The following PABPN1L variants were observed in gnomAD, a reference collection of about 807,000 sequenced individuals.
The protein encoded by PABPN1L is embryonic polyadenylate-binding protein 2.
A neutral mutation model predicts 34.0 loss-of-function variants in PABPN1L; 45 were observed. The ratio of observed to expected loss-of-function variants is 1.32; its 90% CI spans 1.04 to 1.70. PABPN1L has a LOEUF of 1.70. Among genes scored for constraint, PABPN1L ranks in the 40% most tolerant of loss-of-function variants. PABPN1L has a pLI of 0.00. For synonymous variants in PABPN1L, 182 were observed against 152.1 expected (o/e 1.20, Z -1.45); for missense variants, 459 against 367.8 (o/e 1.25, Z -2.03).
upstream of PABPN1L, among the ~76,000 whole-genome samples, chr16:88,869,004 T>C (rs1011618349): frequency 6.6e-6 from 1 of 152,194 alleles, no homozygotes; most frequent in Non-Finnish European, 1.5e-5. Flanking sequence ...AGCCAAGATC[T>C]TGGGACCCAC....
At chr16:88,866,097 T>C (rs191298009) in intron 1 of PABPN1L, among the ~76,000 whole-genome samples, 156 bp from the exon 2 acceptor site, 1 of 152,320 alleles carries the variant, frequency 6.6e-6, no homozygotes, top group East Asian at 1.9e-4. Flanking sequence ...TGGCTGGGGA[T>C]GAACTCGCCC....
rs865895832 is a variant in PABPN1L, at chr16:88,864,748, G to A, written c.654+105C>T. On this transcript the variant is annotated intron_variant, in intron 5 of 6. Transcript: ENST00000419291. ...AGGCCCAGCCAAGCACCGTGCCTGA[G>A]ACACGCTGTGCAGAGAGGAGCCAGC... The A allele has an allele frequency of 5.1e-5, 64 of 1,261,332 alleles. No homozygotes were observed. In the Middle Eastern group the frequency reaches 2.8e-3, roughly 55 times the overall value. The allele number at this position is 1,261,332 out of a possible 1,614,324, so 78.1% of individuals were successfully genotyped here.
At chr16:88,867,997 G>A (rs967626150), upstream of PABPN1L, among the ~76,000 whole-genome samples, 16 of 152,210 alleles carry the variant, frequency 1.1e-4, no homozygotes, top group African/African-American at 3.6e-4. Flanking sequence ...GGGAATTTGG[G>A]ACTGGGGGAG....
chr16:88,865,576 A>ACGGAT lies in PABPN1L; in HGVS notation c.441_445dup (p.Val149AspfsTer47). 6.2e-7 allele frequency: 1 copy of ACGGAT among 1,611,744 alleles called. No homozygotes were observed. Among genetic ancestry groups the ACGGAT allele is most frequent in the South Asian group, 1.1e-5 (1 of 90,796 alleles). ...CCCACCACTCACGTTGCCCACGTAG[A>ACGGAT]CGGATCTGTGGTCAGCCTCCACCTT... On this transcript the variant is annotated frameshift_variant, in exon 3 of 7. Coordinates refer to ENST00000419291, the Ensembl canonical transcript of PABPN1L. LOFTEE classifies it high-confidence loss of function.
upstream of PABPN1L, among the ~76,000 whole-genome samples, chr16:88,869,953 C>CTATT (rs1968666889): frequency 1.3e-5 from 2 of 152,216 alleles, no homozygotes; most frequent in Non-Finnish European, 2.9e-5. Context: ...CCCCTGGGGC[C>CTATT]CCAGCGCCCA....
intron 5 of PABPN1L, 69 bp downstream of exon 5, chr16:88,864,784 G>C: frequency 6.9e-7 from 1 of 1,458,120 alleles, no homozygotes; most frequent in Non-Finnish European, 9.4e-7. Context: ...TGGGGCTGCT[G>C]TGTGTCCCAG....
At chr16:88,864,444 C>T (rs866240435) in intron 5 of PABPN1L, 65 bp from the exon 6 acceptor site, 1 of 1,491,908 alleles carries the variant, frequency 6.7e-7, no homozygotes, top group East Asian at 2.5e-5. Flanking sequence ...ACAGCCCCCG[C>T]AGCCCCCACC....
At chr16:88,869,680 G>A (rs995771524), upstream of PABPN1L, among the ~76,000 whole-genome samples, 12 of 152,230 alleles carry the variant, frequency 7.9e-5, no homozygotes, top group African/African-American at 2.9e-4. Context: ...CCTGTCAGAG[G>A]CAGGATTGCA....
exon 1 of PABPN1L, chr16:88,866,582 G>A: frequency 6.4e-7 from 1 of 1,553,080 alleles, no homozygotes; most frequent in Non-Finnish European, 8.7e-7. Context: ...GGTGGGAAGA[G>A]AGAGCGGCTC....
At chr16:88,865,167 T>A in intron 3 of PABPN1L, 39 bp from the exon 4 acceptor site, 1 of 1,542,458 alleles carries the variant, frequency 6.5e-7, no homozygotes, top group Non-Finnish European at 8.8e-7. Flanking sequence ...GGGAGACGCC[T>A]GGCCCTGACT....
chr16:88,866,207 CT>C, intron 1 of PABPN1L, 144 bp downstream of exon 1: 1 of 1,360,648 alleles, frequency 7.3e-7, no homozygotes, highest in Non-Finnish European at 9.8e-7. Flanking sequence ...GGGGGGTCTC[CT>C]TGCCACCTTC....
intron 6 of PABPN1L, 43 bp downstream of exon 6, chr16:88,864,194 C>T: frequency 6.5e-7 from 1 of 1,531,584 alleles, no homozygotes; most frequent in Non-Finnish European, 8.8e-7. Flanking sequence ...TGCCCTCCAC[C>T]ATGGCCCTCG....
chr16:88,863,930 G>T, intron 6 of PABPN1L, 135 bp from the exon 7 acceptor site: 1 of 961,202 alleles, frequency 1.0e-6, no homozygotes, highest in Non-Finnish European at 1.5e-6. Flanking sequence ...GGGCCTTTCT[G>T]GTGACTCCCA....
At chr16:88,868,272 G>A (rs975154454), upstream of PABPN1L, among the ~76,000 whole-genome samples, 1 of 152,166 alleles carries the variant, frequency 6.6e-6, no homozygotes, top group Non-Finnish European at 1.5e-5. Flanking sequence ...AAAGAAACAC[G>A]AAGCCACAGG....
chr16:88,863,551 C>G, exon 7 of PABPN1L: 1 of 690,422 alleles, frequency 1.4e-6, no homozygotes, highest in East Asian at 2.7e-5. Context: ...GTGGCTGTGA[C>G]TCGTGGCTGT....
chr16:88,863,544 G>C (rs1968497327), exon 7 of PABPN1L: 1 of 672,096 alleles, frequency 1.5e-6, no homozygotes, highest in East Asian at 2.8e-5. Context: ...CCGGGCCGTG[G>C]CTGTGACTCG....
intron 3 of PABPN1L, 125 bp downstream of exon 3, chr16:88,865,437 CG>C: frequency 8.3e-7 from 1 of 1,203,500 alleles, no homozygotes; most frequent in Non-Finnish European, 1.2e-6. Context: ...CTCAAGGTGA[CG>C]GGGCTGCCCC....
chr16:88,865,264 C>T (rs914590520), intron 3 of PABPN1L, 136 bp from the exon 4 acceptor site: 6 of 907,472 alleles, frequency 6.6e-6, no homozygotes, highest in Admixed American at 5.2e-5. Flanking sequence ...CCCACACCCC[C>T]GCTGGGGTTG....
intron 1 of PABPN1L, 129 bp from the exon 2 acceptor site, chr16:88,866,070 C>A (rs1484478878): frequency 8.6e-6 from 12 of 1,387,500 alleles, no homozygotes; most frequent in South Asian, 1.5e-5. Flanking sequence ...GACAGGGACA[C>A]TCCTTCCTGG....
Sources: allele counts gnomAD v4.1 joint callset (sites outside exome capture counted in the v4.1 genomes callset), GRCh38; gene constraint gnomAD v4.1.1; transcripts MANE v1.5; gene names NCBI Gene and HGNC (gene_info 2026-07-23, HGNC 2026-07-21).